ZNF469: variants seen among roughly 807,000 people sequenced by gnomAD.
ZNF469 encodes the protein zinc finger protein 469.
A neutral mutation model predicts 1.0 loss-of-function variants in ZNF469; 1 was observed. That is an observed-to-expected ratio of 1.00 (90% CI 0.35 to 4.73). ZNF469 has a LOEUF of 4.73. Ranked by LOEUF, ZNF469 falls within the 30% of genes most tolerant of loss-of-function variation. The pLI is 0.16. For synonymous variants in ZNF469, 2,703 were observed against 2,363.4 expected (o/e 1.14, Z -4.17); for missense variants, 6,100 against 5,356.3 (o/e 1.14, Z -4.33).
the ZNF469 span, among the ~76,000 whole-genome samples, chr16:88,282,258 T>G: frequency 6.6e-6 from 1 of 152,144 alleles, no homozygotes; most frequent in Non-Finnish European, 1.5e-5. Flanking sequence ...GGGGTGCACC[T>G]TGTGGATGGT....
chr16:88,362,109 A>C, the ZNF469 span, among the ~76,000 whole-genome samples: 1 of 152,052 alleles, frequency 6.6e-6, no homozygotes, highest in African/African-American at 2.4e-5. Context: ...TGTTCTTTTC[A>C]ATGTTGCTTT....
the ZNF469 span, among the ~76,000 whole-genome samples, chr16:88,322,270 G>A: frequency 3.3e-5 from 5 of 152,234 alleles, no homozygotes; most frequent in Non-Finnish European, 7.3e-5. Flanking sequence ...TCGGAGGCCA[G>A]GTGAATCGGA....
the ZNF469 span, among the ~76,000 whole-genome samples, chr16:88,352,926 G>A: frequency 6.6e-6 from 1 of 152,176 alleles, no homozygotes; most frequent in Non-Finnish European, 1.5e-5. Flanking sequence ...GAGAGGCCTG[G>A]GAGGTGGGGG....
chr16:88,262,676 C>A, the ZNF469 span, among the ~76,000 whole-genome samples: 1 of 152,104 alleles, frequency 6.6e-6, no homozygotes, highest in African/African-American at 2.4e-5. This position sits in a 1 kb window ranked among gnomAD's most constrained non-coding sequence, Gnocchi z 4.3. Flanking sequence ...CCCCACAGAC[C>A]AAGCACAGGC....
upstream of ZNF469, among the ~76,000 whole-genome samples, chr16:88,380,475 A>T (rs527503697): frequency 2.7e-5 from 4 of 147,188 alleles, 1 homozygote; most frequent in Middle Eastern, 3.5e-3. Context: ...ACATGCACTC[A>T]CACATACGTG....
chr16:88,195,746 G>A, the ZNF469 span, among the ~76,000 whole-genome samples: 20 of 152,228 alleles, frequency 1.3e-4, no homozygotes, highest in Admixed American at 1.2e-3. Context: ...AAGGAGAACA[G>A]AGCCCAGAGC....
At chr16:88,239,717 T>A in the ZNF469 span, among the ~76,000 whole-genome samples, 101 of 2,644 alleles carry the variant, frequency 0.038, 2 homozygotes, top group Admixed American at 0.048. Context: ...ATATATATAT[T>A]TTTTTTTTTT....
At chr16:88,351,794 GCCACCAC>G in the ZNF469 span, among the ~76,000 whole-genome samples, 1 of 151,874 alleles carries the variant, frequency 6.6e-6, no homozygotes, top group African/African-American at 2.4e-5. Context: ...GCCACGCTTT[GCCACCAC>G]CCACCACCCT....
chr16:88,374,035 G>C, the ZNF469 span, among the ~76,000 whole-genome samples: 1 of 151,778 alleles, frequency 6.6e-6, no homozygotes, highest in Non-Finnish European at 1.5e-5. Context: ...AAGTGTCAGA[G>C]ATATGAGCCA....
chr16:88,352,067 A>G, the ZNF469 span, among the ~76,000 whole-genome samples: 3 of 152,116 alleles, frequency 2.0e-5, no homozygotes, highest in African/African-American at 7.2e-5. Context: ...TTTCTAGGGA[A>G]CACCCGGAAC....
At chr16:88,358,464 T>A in the ZNF469 span, among the ~76,000 whole-genome samples, 1 of 152,090 alleles carries the variant, frequency 6.6e-6, no homozygotes, top group Non-Finnish European at 1.5e-5. Flanking sequence ...TGCCCACCCA[T>A]GTACCAACCA....
the ZNF469 span, among the ~76,000 whole-genome samples, chr16:88,359,814 A>T: frequency 6.6e-6 from 1 of 152,182 alleles, no homozygotes; most frequent in Non-Finnish European, 1.5e-5. Flanking sequence ...TACAGTGATG[A>T]TCCATATACC....
chr16:88,302,266 G>A, the ZNF469 span, among the ~76,000 whole-genome samples: 1 of 152,198 alleles, frequency 6.6e-6, no homozygotes, highest in African/African-American at 2.4e-5. Flanking sequence ...AGCCTCTTAT[G>A]AAACAATTCC....
the ZNF469 span, among the ~76,000 whole-genome samples, chr16:88,376,999 C>T: frequency 6.6e-5 from 10 of 152,366 alleles, no homozygotes; most frequent in East Asian, 1.7e-3. Flanking sequence ...GCCAGAGGCA[C>T]CAGAAGGCCA....
chr16:88,247,003 ATG>A, the ZNF469 span, among the ~76,000 whole-genome samples: 1 of 151,260 alleles, frequency 6.6e-6, no homozygotes, highest in Admixed American at 6.6e-5. Context: ...GAGTGAGTGA[ATG>A]AGTGAATCAA....
the ZNF469 span, among the ~76,000 whole-genome samples, chr16:88,103,789 G>A: frequency 2.0e-5 from 3 of 148,588 alleles, no homozygotes; most frequent in Non-Finnish European, 4.4e-5. Flanking sequence ...TCCGTGGCAT[G>A]GGGGGTTGGT....
the ZNF469 span, among the ~76,000 whole-genome samples, chr16:88,154,862 T>G: frequency 6.6e-6 from 1 of 152,148 alleles, no homozygotes; most frequent in African/African-American, 2.4e-5. Context: ...CTCCAGATCA[T>G]GGGCTTTTTT....
chr16:88,321,008 T>C, the ZNF469 span, among the ~76,000 whole-genome samples: 1 of 152,228 alleles, frequency 6.6e-6, no homozygotes. Context: ...GTGGCTGCCA[T>C]CCGAGGCTGC....
intron 1 of ZNF469, among the ~76,000 whole-genome samples, chr16:88,403,887 C>A (rs1007112861): frequency 1.1e-4 from 16 of 152,038 alleles, no homozygotes; most frequent in Middle Eastern, 3.2e-3. Context: ...AAAGCAAATT[C>A]AGGGGTTCCT....
Sources: gnomAD v4.1 joint callset for allele counts (sites outside exome capture counted in the v4.1 genomes callset) on GRCh38, gnomAD v4.1.1 for gene constraint, Gnocchi (gnomAD v3.1) non-coding constraint, MANE v1.5 for transcripts, NCBI Gene and HGNC (gene_info 2026-07-23, HGNC 2026-07-21) for gene names.